The following DMD variants were observed in gnomAD, a reference collection of about 807,000 sequenced individuals.
DMD encodes mutant dystrophin.
In DMD, 63 loss-of-function variants were observed where a neutral mutation model predicts 330.1. That is an observed-to-expected ratio of 0.19 (90% CI 0.16 to 0.24). The LOEUF is 0.24. Among genes scored for constraint, DMD ranks in the 10% least tolerant of loss-of-function variants. The pLI, the probability that DMD is intolerant of heterozygous loss-of-function variation, is 1.00. For missense variants in DMD, 3,344 were observed against 2,684.1 expected (o/e 1.25, Z -5.43); for synonymous variants, 1,223 against 959.8 (o/e 1.27, Z -5.07).
intron 2 of DMD, among the ~76,000 whole-genome samples, chrX:33,004,522 A>G (rs2093353761): frequency 8.9e-6 from 1 of 111,749 alleles, no homozygotes; most frequent in South Asian, 3.7e-4. Flanking sequence ...ATTTATATTT[A>G]ATATGATAGT....
intron 1 of DMD, among the ~76,000 whole-genome samples, chrX:33,295,146 T>C (rs191722146): frequency 8.9e-6 from 1 of 111,759 alleles, no homozygotes; most frequent in Non-Finnish European, 1.9e-5. Context: ...TATGATTAAA[T>C]AAATTATATT....
intron 1 of DMD, among the ~76,000 whole-genome samples, chrX:33,023,036 A>G (rs1005200474): frequency 9.0e-6 from 1 of 111,709 alleles, no homozygotes; most frequent in Non-Finnish European, 1.9e-5. Context: ...ATGGTTGTTA[A>G]TACTTCAAAT....
intron 21 of DMD, among the ~76,000 whole-genome samples, chrX:32,478,136 G>C (rs2041434002): frequency 9.0e-6 from 1 of 111,347 alleles, no homozygotes; most frequent in South Asian, 3.7e-4. Context: ...AATCCATTTA[G>C]GGGGAGAAAG....
chrX:31,473,720 A>AAAAAAAAAAAAAAAAAAAAAAG (rs1310270784), intron 59 of DMD, among the ~76,000 whole-genome samples: 39 of 104,332 alleles, frequency 3.7e-4, no homozygotes, highest in Non-Finnish European at 5.8e-4. Flanking sequence ...TCAAAAAAAA[A>AAAAAAAAAAAAAAAAAAAAAAG]AAAAAAAAGA....
chrX:31,419,909 T>C (rs1224487944), intron 60 of DMD, among the ~76,000 whole-genome samples: 1 of 111,951 alleles, frequency 8.9e-6, no homozygotes, highest in Non-Finnish European at 1.9e-5. Context: ...GAGCGGGATG[T>C]ATTATTAATA....
intron 15 of DMD, among the ~76,000 whole-genome samples, chrX:32,567,999 G>A (rs1300662010): frequency 1.8e-5 from 2 of 111,846 alleles, no homozygotes; most frequent in Admixed American, 1.9e-4. Flanking sequence ...ATATGTGTAA[G>A]GCTGAATGGT....
At chrX:31,631,688 A>G (rs2079144063) in intron 54 of DMD, among the ~76,000 whole-genome samples, 1 of 111,632 alleles carries the variant, frequency 9.0e-6, no homozygotes, top group Admixed American at 9.5e-5. Context: ...CTTCATGCTA[A>G]TCACTTTCTC....
intron 9 of DMD, among the ~76,000 whole-genome samples, chrX:32,680,874 A>G (rs2062365306): frequency 9.0e-6 from 1 of 110,956 alleles, no homozygotes; most frequent in Non-Finnish European, 1.9e-5. Flanking sequence ...CGCCCCTTAT[A>G]TTTGAGACGG....
intron 4 of DMD, among the ~76,000 whole-genome samples, chrX:32,838,269 A>G (rs954979605): frequency 9.0e-5 from 10 of 110,656 alleles, no homozygotes; most frequent in African/African-American, 3.0e-4. Context: ...TATATTTTTT[A>G]TTATTCTTTA....
intron 43 of DMD, among the ~76,000 whole-genome samples, chrX:32,220,126 G>A (rs73458100): frequency 9.0e-6 from 1 of 111,157 alleles, no homozygotes; most frequent in Non-Finnish European, 1.9e-5. Context: ...GAGGGAGGCA[G>A]GATGGACTTT....
intron 26 of DMD, among the ~76,000 whole-genome samples, chrX:32,451,507 T>C (rs2098329985): frequency 9.0e-6 from 1 of 110,889 alleles, no homozygotes; most frequent in South Asian, 3.7e-4. Context: ...AGTTTTAAAG[T>C]CAGAGGTTGT....
chrX:32,561,682 A>G (rs1009568350), intron 16 of DMD, among the ~76,000 whole-genome samples: 1 of 111,359 alleles, frequency 9.0e-6, no homozygotes, highest in African/African-American at 3.3e-5. Context: ...AGCCAGCCCA[A>G]CATTCAAATT....
intron 2 of DMD, among the ~76,000 whole-genome samples, chrX:32,949,470 A>T (rs1372837484): frequency 2.7e-5 from 3 of 110,404 alleles, no homozygotes; most frequent in Non-Finnish European, 5.7e-5. Context: ...CCTAAAAGTG[A>T]GGAGAATTAT....
intron 24 of DMD, among the ~76,000 whole-genome samples, chrX:32,463,899 T>G (rs1314806213): frequency 2.7e-5 from 3 of 112,102 alleles, no homozygotes; most frequent in Non-Finnish European, 5.6e-5. Flanking sequence ...CTTCATACTT[T>G]ATTATCTTTG....
rs1247170583 is a variant in DMD at position 32,545,207 on chromosome X, G to C, written c.2120C>G (p.Pro707Arg). 8.3e-7 allele frequency: 1 copy of C among 1,208,845 alleles called. No homozygotes were observed. Among genetic ancestry groups the C allele is most frequent in the Non-Finnish European group, 1.1e-6 (1 of 894,420 alleles). The change falls in exon 17 of 79, where the codon CCT (proline) becomes CGT (arginine). Residue 707 changes from proline to arginine, a missense_variant. Physicochemically the swap from Pro to Arg is moderately radical, Grantham distance 103. Coordinates refer to ENST00000357033, the MANE Select transcript of DMD (RefSeq NM_004006.3). ...AGTAATCTGCCTCTTCTTTTGGGGA[G>C]GTGGTGGTGGAAGTTCCTCTTGAGC... ...KHAQEELPPP[P>R]PQKKRQITVD...
chrX:32,609,477 G>T (rs1349266085), intron 12 of DMD, among the ~76,000 whole-genome samples: 2 of 110,876 alleles, frequency 1.8e-5, no homozygotes, highest in Non-Finnish European at 3.8e-5. Context: ...CATCGTAAAT[G>T]ATTGGTTTCT....
At chrX:32,662,543 T>C (rs1376995709) in intron 9 of DMD, among the ~76,000 whole-genome samples, 1 of 112,070 alleles carries the variant, frequency 8.9e-6, no homozygotes. Flanking sequence ...TGTGATTGCC[T>C]TGTAAACTTC....
intron 1 of DMD, among the ~76,000 whole-genome samples, chrX:33,218,549 A>G (rs2052101112): frequency 9.0e-6 from 1 of 111,134 alleles, no homozygotes; most frequent in African/African-American, 3.3e-5. Context: ...TAAAAAAAAA[A>G]TATAACTAGT....
intron 17 of DMD, among the ~76,000 whole-genome samples, chrX:32,525,146 C>G (rs1258015340): frequency 9.0e-6 from 1 of 111,686 alleles, no homozygotes; most frequent in Non-Finnish European, 1.9e-5. Context: ...TGAGCTATTC[C>G]TAACCTAATC....
Sources: allele counts gnomAD v4.1 joint callset (sites outside exome capture counted in the v4.1 genomes callset), GRCh38; gene constraint gnomAD v4.1.1; transcripts MANE v1.5; gene names NCBI Gene and HGNC (gene_info 2026-07-23, HGNC 2026-07-21).